The following GRIA3 variants were observed in gnomAD, a reference collection of about 807,000 sequenced individuals.
GRIA3 encodes glutamate ionotropic receptor AMPA type subunit 3, also known as glutamate receptor 3.
In GRIA3, 3 loss-of-function variants were observed where a neutral mutation model predicts 63.0. The ratio of observed to expected loss-of-function variants is 0.05; its 90% CI spans 0.02 to 0.12. GRIA3 has a LOEUF of 0.12. GRIA3 is among the 10% of genes least tolerant of loss of function. The pLI is 1.00. For synonymous variants in GRIA3, 274 were observed against 257.9 expected, an observed-to-expected ratio of 1.06 and a Z score of -0.60; for missense variants, 347 against 700.9, an observed-to-expected ratio of 0.50 and a Z score of 5.70.
intron 4 of GRIA3, among the ~76,000 whole-genome samples, chrX:123,343,122 C>T (rs2045019504): frequency 8.9e-6 from 1 of 111,797 alleles, no homozygotes; most frequent in South Asian, 3.8e-4. Flanking sequence ...CAATGCCTAC[C>T]TTAAAGGATT....
chrX:123,269,947 C>G (rs2044510753), intron 3 of GRIA3, among the ~76,000 whole-genome samples: 1 of 112,551 alleles, frequency 8.9e-6, no homozygotes, highest in African/African-American at 3.2e-5. Context: ...GCTAAACAGA[C>G]TTCTTTGGAA....
intron 12 of GRIA3, among the ~76,000 whole-genome samples, chrX:123,431,027 TACACACACAC>T (rs3050442): frequency 0.028 from 2,801 of 99,462 alleles, 36 homozygotes; most frequent in Non-Finnish European, 0.042. Context: ...GTAACTCACA[TACACACACAC>T]ACACACACAC....
At chrX:123,457,037 T>C (rs986408250) in intron 12 of GRIA3, among the ~76,000 whole-genome samples, 1 of 111,782 alleles carries the variant, frequency 8.9e-6, no homozygotes, top group African/African-American at 3.2e-5. Flanking sequence ...ATGGACCAAA[T>C]TGTCAAGCAA....
intron 12 of GRIA3, among the ~76,000 whole-genome samples, chrX:123,455,819 G>A (rs540135): frequency 0.059 from 6,099 of 102,621 alleles, 233 homozygotes; most frequent in African/African-American, 0.14. Context: ...GGGTTATCAC[G>A]GGGAAAGATC....
At chrX:123,210,404 A>G (rs992984822) in intron 2 of GRIA3, among the ~76,000 whole-genome samples, 5 of 111,162 alleles carry the variant, frequency 4.5e-5, no homozygotes, top group Non-Finnish European at 5.7e-5. Flanking sequence ...GGTGTATTTG[A>G]CACACTGGTT....
At chrX:123,347,670 C>A (rs1450167336) in intron 4 of GRIA3, among the ~76,000 whole-genome samples, 2 of 111,846 alleles carry the variant, frequency 1.8e-5, no homozygotes, top group Non-Finnish European at 3.8e-5. Context: ...ATACAATATC[C>A]TACCAGCCAT....
rs191111026 is a variant in GRIA3, at chrX:123,192,773, A to G, written c.268+6783A>G. Among the ~76,000 whole-genome samples, 18 of 111,578 alleles carry G rather than the reference A, an allele frequency of 1.6e-4. No individual in the cohort carries two copies. In the East Asian group the frequency reaches 5.1e-3, roughly 31 times the overall value. On this transcript the variant is annotated intron_variant, in intron 2 of 15. Transcript: ENST00000620443. ...CAGCTGATAATGATCCCTCAACCCTATGAGGCGCAATTCAGGGTAGAACAG... is the reference window on the plus strand; with the variant it reads ...CAGCTGATAATGATCCCTCAACCCTGTGAGGCGCAATTCAGGGTAGAACAG...
chrX:123,445,245 C>T (rs770816445), intron 12 of GRIA3, among the ~76,000 whole-genome samples: 61 of 111,805 alleles, frequency 5.5e-4, no homozygotes, highest in Non-Finnish European at 1.1e-3. Context: ...CATCATCTCC[C>T]AAACATAAGG....
intron 4 of GRIA3, among the ~76,000 whole-genome samples, chrX:123,350,053 G>A (rs1052915669): frequency 9.0e-6 from 1 of 110,858 alleles, no homozygotes; most frequent in Non-Finnish European, 1.9e-5. Context: ...AATGAAGGGG[G>A]CTGAAAAATA....
chrX:123,330,638 T>G (rs979796852), intron 4 of GRIA3, among the ~76,000 whole-genome samples: 1 of 111,804 alleles, frequency 8.9e-6, no homozygotes, highest in African/African-American at 3.3e-5. Flanking sequence ...GGTAGTTTAA[T>G]CACCTTCTCA....
intron 2 of GRIA3, among the ~76,000 whole-genome samples, chrX:123,250,051 T>C (rs1192557785): frequency 1.8e-5 from 2 of 111,687 alleles, no homozygotes; most frequent in African/African-American, 3.3e-5. Context: ...ATATATCGTT[T>C]AGGTGTATGT....
chrX:123,262,944 C>T (rs1224566826), intron 3 of GRIA3, among the ~76,000 whole-genome samples: 1 of 110,831 alleles, frequency 9.0e-6, no homozygotes, highest in Admixed American at 9.6e-5. Flanking sequence ...CAGCTCAAGG[C>T]AAGAAATACA....
At chrX:123,456,583 C>G (rs1265725000) in intron 12 of GRIA3, among the ~76,000 whole-genome samples, 1 of 110,476 alleles carries the variant, frequency 9.1e-6, no homozygotes, top group Non-Finnish European at 1.9e-5. Flanking sequence ...CCTTACCCCT[C>G]CCTTATAGTC....
intron 2 of GRIA3, among the ~76,000 whole-genome samples, chrX:123,206,462 C>T (rs189729446): frequency 3.5e-4 from 39 of 112,208 alleles, no homozygotes; most frequent in Non-Finnish European, 6.2e-4. Context: ...CTTGTCCCCT[C>T]ACTGCAGCAA....
At chrX:123,193,690 G>T (rs1379859829) in intron 2 of GRIA3, among the ~76,000 whole-genome samples, 4 of 112,239 alleles carry the variant, frequency 3.6e-5, no homozygotes, top group Non-Finnish European at 7.5e-5. Flanking sequence ...TGTGCCATTA[G>T]TCTGAAATTC....
At chrX:123,302,805 A>T (rs2044731983) in intron 3 of GRIA3, among the ~76,000 whole-genome samples, 1 of 111,244 alleles carries the variant, frequency 9.0e-6, no homozygotes, top group Non-Finnish European at 1.9e-5. Flanking sequence ...AGGAGTTTTA[A>T]TATCTTGATA....
chrX:123,482,712 G>A, intron 14 of GRIA3, 87 bp from the exon 15 acceptor site: 1 of 1,008,352 alleles, frequency 9.9e-7, no homozygotes, highest in Non-Finnish European at 1.4e-6. Flanking sequence ...TTACAATTTA[G>A]AACTCCCCTG....
chrX:123,200,588 TATACACACACACACATAC>T (rs1199305459), intron 2 of GRIA3, among the ~76,000 whole-genome samples: 1 of 91,353 alleles, frequency 1.1e-5, no homozygotes, highest in Non-Finnish European at 2.1e-5. Context: ...TATATATACA[TATACACACACACACATAC>T]ATACACACAC....
chrX:123,304,845 A>C (rs994229294), intron 3 of GRIA3, among the ~76,000 whole-genome samples: 2 of 112,100 alleles, frequency 1.8e-5, no homozygotes, highest in African/African-American at 6.5e-5. Context: ...TCTTGGAATA[A>C]ATCAGATAAA....
Sources: gnomAD v4.1 joint callset for allele counts (sites outside exome capture counted in the v4.1 genomes callset) on GRCh38, gnomAD v4.1.1 for gene constraint, MANE v1.5 for transcripts, NCBI Gene and HGNC (gene_info 2026-07-23, HGNC 2026-07-21) for gene names.